Variants in PEMT observed in about 807,000 individuals in gnomAD.
The protein encoded by PEMT is phosphatidylethanolamine N-methyltransferase.
A neutral mutation model predicts 27.4 loss-of-function variants in PEMT; 23 were observed. The observed-to-expected ratio is 0.84, with a 90% CI of 0.60 to 1.19. The LOEUF is 1.19. PEMT is among the 50% of genes most tolerant of loss of function. The pLI is 0.00. For synonymous variants in PEMT, 137 were observed against 139.1 expected (o/e 0.98, Z 0.11); for missense variants, 307 against 310.1 (o/e 0.99, Z 0.07).
rs2142694306 is a variant in PEMT, at chr17:17,561,479, T to C, written c.204+15441A>G. 6.6e-6 allele frequency among the ~76,000 whole-genome samples: 1 copy of C among 152,244 alleles called. No homozygotes were observed. On this transcript the variant is annotated intron_variant, in intron 2 of 6. Transcript: ENST00000255389. The surrounding 1 kb of genome is among the most constrained non-coding windows in gnomAD (Gnocchi z 4.5). ...CAGAGCAGTTCCACAACAGATGCCCTGGGGTGGCTGCCCGAGGGGGAAGCG... is the reference window on the plus strand; with the variant it reads ...CAGAGCAGTTCCACAACAGATGCCCCGGGGTGGCTGCCCGAGGGGGAAGCG...
chr17:17,516,152 G>A lies in PEMT; in HGVS notation c.321-3498C>T, dbSNP rs70963029. Among the ~76,000 whole-genome samples, 1,039 of 152,168 alleles carry A rather than the reference G, an allele frequency of 6.8e-3. 6 individuals carry two copies. Among genetic ancestry groups the A allele is most frequent in the Non-Finnish European group, 9.4e-3 (639 of 67,992 alleles). On this transcript the variant is annotated intron_variant, in intron 3 of 6. Transcript: ENST00000255389. Reference sequence around the variant, plus strand: ...GTCCACATCCATGTGTGGCCTGAGTGCCATGTACTCCACATCCTTCACCCC... The same window carrying A: ...GTCCACATCCATGTGTGGCCTGAGTACCATGTACTCCACATCCTTCACCCC...
At position 17,509,557 on chromosome 17, in the gene PEMT, G is replaced by A. The variant is rs1220987660; in HGVS notation, c.467-12C>T. 3 of 1,565,456 alleles carry A rather than the reference G, an allele frequency of 1.9e-6. No homozygotes were observed. The highest frequency in any genetic ancestry group is 1.4e-5 in the African/African-American group (1 of 73,942). ...CCCGAAGTAATCACCTGTGGATGAG[G>A]CAAGGCAGGGTCCCTCGGCTATTCA... On this transcript the variant is annotated splice_polypyrimidine_tract_variant and intron_variant, in intron 4 of 6. Coordinates refer to ENST00000255389, the MANE Select transcript of PEMT (RefSeq NM_148172.3).
chr17:17,517,868 C>T lies in PEMT; in HGVS notation c.320+4412G>A, dbSNP rs563429452. Reference sequence around the variant, plus strand: ...CCGGCTCACTCCTCCAGGCCTTGGTCGTAAGGCTTCTTCAGCCAGGGCTCC... The same window carrying T: ...CCGGCTCACTCCTCCAGGCCTTGGTTGTAAGGCTTCTTCAGCCAGGGCTCC... On this transcript the variant is annotated intron_variant, in intron 3 of 6. Transcript: ENST00000255389. The T allele has an allele frequency of 3.7e-5, 21 of 573,068 alleles. No homozygotes were observed. The East Asian group carries it at 2.0e-3, about 55-fold the overall frequency. The allele number at this position is 573,068 out of a possible 1,614,324, so 35.5% of individuals were successfully genotyped here.
intron 1 of PEMT, among the ~76,000 whole-genome samples, chr17:17,580,445 C>A (rs1911904802): frequency 6.6e-6 from 1 of 152,088 alleles, no homozygotes; most frequent in Non-Finnish European, 1.5e-5. Context: ...CCACTGCACT[C>A]CAGCCTGGGT....
intron 2 of PEMT, among the ~76,000 whole-genome samples, chr17:17,566,917 C>T (rs1910864209): frequency 6.6e-6 from 1 of 152,190 alleles, no homozygotes; most frequent in African/African-American, 2.4e-5. Flanking sequence ...AGCCTGGGTC[C>T]CCTGCCTCCT....
At chr17:17,537,118 C>T (rs565791104) in intron 2 of PEMT, among the ~76,000 whole-genome samples, 1 of 152,354 alleles carries the variant, frequency 6.6e-6, no homozygotes, top group East Asian at 1.9e-4. Flanking sequence ...CTCCTTTTCC[C>T]TGTCTGTCTG....
At chr17:17,509,786 T>C (rs1906216105) in intron 4 of PEMT, among the ~76,000 whole-genome samples, 1 of 152,152 alleles carries the variant, frequency 6.6e-6, no homozygotes, top group South Asian at 2.1e-4. Flanking sequence ...CCACTGCTCC[T>C]CTTCTCGAGC....
At chr17:17,559,838 G>A (rs1210991898) in intron 2 of PEMT, among the ~76,000 whole-genome samples, 3 of 152,234 alleles carry the variant, frequency 2.0e-5, no homozygotes, top group African/African-American at 4.8e-5. Flanking sequence ...GAAACGGCAA[G>A]CCCAGGCCAA....
At chr17:17,516,538 C>G (rs1349681201) in intron 3 of PEMT, among the ~76,000 whole-genome samples, 1 of 152,174 alleles carries the variant, frequency 6.6e-6, no homozygotes, top group Admixed American at 6.5e-5. Context: ...GTGGGATAGG[C>G]TCAAGCCTCA....
intron 3 of PEMT, among the ~76,000 whole-genome samples, chr17:17,520,908 G>C (rs1907213972): frequency 1.3e-5 from 2 of 152,276 alleles, no homozygotes; most frequent in Admixed American, 1.3e-4. Context: ...AAGGCAGCAA[G>C]GGTGCCTGGC....
Position 17,512,473 on chromosome 17 carries a change from T to C in PEMT, c.466+36A>G. 2 of 1,498,772 alleles carry C rather than the reference T, an allele frequency of 1.3e-6. No homozygotes were observed. The highest frequency in any genetic ancestry group is 1.3e-5 in the South Asian group (1 of 74,932). 92.8% of individuals were successfully genotyped at this position (1,498,772 alleles called of 1,614,324 possible). ...CTGCACCTCCCTGGGGCTCCAGCGG[T>C]CCTGCTCAGGGTCACCCCAGCCCTC... On this transcript the variant is annotated intron_variant, in intron 4 of 6. Coordinates refer to ENST00000255389, the MANE Select transcript of PEMT (RefSeq NM_148172.3). The surrounding 1 kb of genome is among the most constrained non-coding windows in gnomAD (Gnocchi z 6.3).
intron 2 of PEMT, among the ~76,000 whole-genome samples, chr17:17,563,994 T>C (rs960124903): frequency 6.6e-6 from 1 of 152,290 alleles, no homozygotes; most frequent in Admixed American, 6.5e-5. Flanking sequence ...CTAGAGCCCC[T>C]GCCCAGCCCC....
chr17:17,541,320 G>A (rs914667689), intron 2 of PEMT, among the ~76,000 whole-genome samples: 3 of 151,692 alleles, frequency 2.0e-5, no homozygotes, highest in Non-Finnish European at 2.9e-5. Flanking sequence ...ACCTGATCCC[G>A]AGCCCCAGCT....
chr17:17,554,393 T>C (rs910230593), intron 2 of PEMT, among the ~76,000 whole-genome samples: 2 of 152,132 alleles, frequency 1.3e-5, no homozygotes, highest in African/African-American at 4.8e-5. Flanking sequence ...CCCAAAGGCA[T>C]GAACGTGGCC....
intron 2 of PEMT, among the ~76,000 whole-genome samples, chr17:17,565,939 C>T (rs868390198): frequency 2.0e-5 from 3 of 152,220 alleles, no homozygotes; most frequent in African/African-American, 7.2e-5. Context: ...AGGCAGCTCC[C>T]GCAGCTGCTT....
At chr17:17,560,246 G>A (rs1453086446) in intron 2 of PEMT, among the ~76,000 whole-genome samples, 1 of 152,206 alleles carries the variant, frequency 6.6e-6, no homozygotes, top group Non-Finnish European at 1.5e-5. Context: ...GACACCAGAG[G>A]CAAGAACATG....
chr17:17,562,074 C>T (rs1051120793), intron 2 of PEMT, among the ~76,000 whole-genome samples: 9 of 152,340 alleles, frequency 5.9e-5, no homozygotes, highest in African/African-American at 1.9e-4. Flanking sequence ...GTCGGCCGTG[C>T]TGCAGCTCGG....
Position 17,513,216 on chromosome 17 carries a change from G to A in PEMT, c.321-562C>T, listed in dbSNP as rs1430607756. ...TGGGTGGCTTGACTTGCATTTAAAG[G>A]CACTTTGGGGGCCCTTAATGTCCTC... On this transcript the variant is annotated intron_variant, in intron 3 of 6. Coordinates refer to ENST00000255389, the MANE Select transcript of PEMT (RefSeq NM_148172.3). This position sits in a 1 kb window ranked among gnomAD's most constrained non-coding sequence, Gnocchi z 4.1. 6.6e-6 allele frequency among the ~76,000 whole-genome samples: 1 copy of A among 152,196 alleles called. No individual in the cohort carries two copies. Among genetic ancestry groups the A allele is most frequent in the Non-Finnish European group, 1.5e-5 (1 of 68,038 alleles).
intron 2 of PEMT, among the ~76,000 whole-genome samples, chr17:17,555,657 C>T (rs905006117): frequency 1.3e-5 from 2 of 152,228 alleles, no homozygotes; most frequent in Non-Finnish European, 2.9e-5. Flanking sequence ...CCCCTGAAAG[C>T]CAATTTGGTC....
Sources: allele counts gnomAD v4.1 joint callset (sites outside exome capture counted in the v4.1 genomes callset), GRCh38; gene constraint gnomAD v4.1.1; non-coding constraint Gnocchi (gnomAD v3.1); transcripts MANE v1.5; gene names NCBI Gene and HGNC (gene_info 2026-07-23, HGNC 2026-07-21).